Variants in SLC22A2 observed in about 807,000 individuals in gnomAD.
The protein encoded by SLC22A2 is solute carrier family 22 member 2.
A neutral mutation model predicts 60.5 loss-of-function variants in SLC22A2; 46 were observed. The ratio of observed to expected loss-of-function variants is 0.76; its 90% CI spans 0.60 to 0.97. The LOEUF (loss-of-function observed/expected upper bound fraction) is 0.97, where lower values mean the gene tolerates loss of function less well. SLC22A2 is among the 50% of genes least tolerant of loss of function. The pLI is 0.00. For missense variants in SLC22A2, 701 were observed against 706.6 expected (o/e 0.99, Z 0.09); for synonymous variants, 303 against 267.0 (o/e 1.13, Z -1.31).
At position 160,245,386 on chromosome 6, in the gene SLC22A2, T is replaced by C. The variant is rs111596459; in HGVS notation, c.1064+53A>G. On this transcript the variant is annotated intron_variant, in intron 6 of 10. Coordinates refer to ENST00000366953, the MANE Select transcript of SLC22A2 (RefSeq NM_003058.4). ...GTTTTCTTCCCTTCCTTACTATGGA[T>C]GACTGTGATTAAAACAATTTGGAGG... 6.0e-6 allele frequency: 6 copies of C among 1,006,968 alleles called. No individual in the cohort carries two copies. The African/African-American group carries it at 9.6e-5, about 16-fold the overall frequency. 62.4% of individuals were successfully genotyped at this position (1,006,968 alleles called of 1,614,324 possible).
intron 10 of SLC22A2, among the ~76,000 whole-genome samples, chr6:160,223,918 G>T (rs1782683181): frequency 6.6e-6 from 1 of 152,036 alleles, no homozygotes. Flanking sequence ...TTTTAGTAGA[G>T]ACGGGGTTTC....
chr6:160,220,200 T>G (rs937066926), intron 10 of SLC22A2, among the ~76,000 whole-genome samples: 1 of 152,208 alleles, frequency 6.6e-6, no homozygotes, highest in East Asian at 1.9e-4. Context: ...AATCCTTTGT[T>G]GTCATTTCAA....
At chr6:160,228,513 C>T (rs1782764456) in intron 9 of SLC22A2, among the ~76,000 whole-genome samples, 1 of 152,126 alleles carries the variant, frequency 6.6e-6, no homozygotes, top group African/African-American at 2.4e-5. Flanking sequence ...TCAGTAAAGT[C>T]CCCCTCAGCT....
At chr6:160,235,534 T>C (rs575682862) in intron 9 of SLC22A2, among the ~76,000 whole-genome samples, 2 of 6,688 alleles carry the variant, frequency 3.0e-4, no homozygotes, top group Non-Finnish European at 8.4e-4. Context: ...TTAAATAAGA[T>C]AAAGCTGAAG....
chr6:160,230,847 C>G (rs1044760480), intron 9 of SLC22A2, among the ~76,000 whole-genome samples: 1 of 151,928 alleles, frequency 6.6e-6, no homozygotes, highest in Non-Finnish European at 1.5e-5. Flanking sequence ...CTGTGCAGGA[C>G]CCCACTGGAA....
Position 160,258,326 on chromosome 6 carries a change from C to G in SLC22A2, c.414+18G>C, listed in dbSNP as rs761262798. Reference sequence around the variant, plus strand: ...CACCATTTGCTTCTCCATCTGAGCCCTGAGCTCACTCTCTTACCTCGGTGA... The same window carrying G: ...CACCATTTGCTTCTCCATCTGAGCCGTGAGCTCACTCTCTTACCTCGGTGA... On this transcript the variant is annotated intron_variant, in intron 1 of 10. Transcript: ENST00000366953. 9 of 1,584,872 alleles carry G rather than the reference C, an allele frequency of 5.7e-6. No individual in the cohort carries two copies. The highest frequency in any genetic ancestry group is 1.7e-4 in the Middle Eastern group (1 of 5,928).
Position 160,247,258 on chromosome 6 carries a change from T to C in SLC22A2, c.883A>G (p.Lys295Glu), listed in dbSNP as rs774123403. The C allele has an allele frequency of 6.2e-7, 1 of 1,613,746 alleles. No homozygotes were observed. The highest frequency in any genetic ancestry group is 8.5e-7 in the Non-Finnish European group (1 of 1,179,632). The part of the protein sequence containing the change: ...ESPRWLISQN[K>E]NAEAMRIIKH... ...ATGATTCTCATGGCTTCAGCATTCT[T>C]ATTCTGGGAGATCAGCCACCTGGGA... Residue 295 changes from lysine (K) to glutamate (E), a missense_variant, in exon 5 of 11, where the codon AAG becomes GAG. Coordinates refer to ENST00000366953, the MANE Select transcript of SLC22A2 (RefSeq NM_003058.4).
chr6:160,252,441 A>C lies in SLC22A2; in HGVS notation c.519-1739T>G, dbSNP rs116859053. On this transcript the variant is annotated intron_variant, in intron 2 of 10. Coordinates refer to ENST00000366953, the MANE Select transcript of SLC22A2 (RefSeq NM_003058.4). Reference sequence around the variant, plus strand: ...AAAAACTTCACTGGAGACATGTTCCACATAGGGAAGCAATGCTACTTAAAA... The same window carrying C: ...AAAAACTTCACTGGAGACATGTTCCCCATAGGGAAGCAATGCTACTTAAAA... Among the ~76,000 whole-genome samples, 991 of 152,364 alleles carry C rather than the reference A, an allele frequency of 6.5e-3. 9 individuals are homozygous for C. Among genetic ancestry groups the C allele is most frequent in the Middle Eastern group, 0.024 (7 of 294 alleles).
Position 160,217,278 on chromosome 6 carries a change from G to A in SLC22A2, c.*154C>T, listed in dbSNP as rs138754068. The A allele has an allele frequency of 4.3e-4, 233 of 545,096 alleles. No homozygotes were observed. Among genetic ancestry groups the A allele is most frequent in the Non-Finnish European group, 6.4e-4 (198 of 309,632 alleles). 33.8% of individuals were successfully genotyped at this position (545,096 alleles called of 1,614,324 possible). On this transcript the variant is annotated 3_prime_UTR_variant, in exon 11 of 11. Coordinates refer to ENST00000366953, the MANE Select transcript of SLC22A2 (RefSeq NM_003058.4). Reference sequence around the variant, plus strand: ...GGTCCCATGGGTATTTTTCCACAGTGTACAATAGACTCCACTGGCTGTAGA... The same window carrying A: ...GGTCCCATGGGTATTTTTCCACAGTATACAATAGACTCCACTGGCTGTAGA...
At chr6:160,248,917 C>A (rs1783138766) in intron 4 of SLC22A2, among the ~76,000 whole-genome samples, 2 of 152,172 alleles carry the variant, frequency 1.3e-5, no homozygotes, top group African/African-American at 4.8e-5. Flanking sequence ...AAAGGGTCTA[C>A]CGTCCAAATT....
intron 9 of SLC22A2, among the ~76,000 whole-genome samples, chr6:160,233,092 C>T (rs1782851227): frequency 7.4e-6 from 1 of 135,018 alleles, no homozygotes; most frequent in Non-Finnish European, 1.6e-5. Flanking sequence ...ATTTCTCAGG[C>T]CCCCTCCCTT....
chr6:160,221,398 A>G (rs753693608), intron 10 of SLC22A2, among the ~76,000 whole-genome samples: 19 of 152,244 alleles, frequency 1.2e-4, no homozygotes, highest in Non-Finnish European at 2.5e-4. Context: ...TCTTCTATCC[A>G]GACCACTCAA....
chr6:160,250,483 C>G lies in SLC22A2; in HGVS notation c.673+65G>C, dbSNP rs184715532. ...GTCCCTTTTCTTGCATGCCGCCCCC[C>G]ACCTGACTCTATTTTGGCAGCGAGG... On this transcript the variant is annotated intron_variant, in intron 3 of 10. Transcript: ENST00000366953. The G allele has an allele frequency of 3.3e-3, 5,040 of 1,525,024 alleles. 13 individuals carry two copies. The highest frequency in any genetic ancestry group is 4.0e-3 in the Non-Finnish European group (4,443 of 1,098,994). 94.5% of individuals were successfully genotyped at this position (1,525,024 alleles called of 1,614,324 possible).
chr6:160,252,609 T>C (rs1257347801), intron 2 of SLC22A2, among the ~76,000 whole-genome samples: 1 of 152,194 alleles, frequency 6.6e-6, no homozygotes, highest in Admixed American at 6.5e-5. Flanking sequence ...CTCCCCATAC[T>C]GCTGGCTTGG....
chr6:160,241,835 GA>G (rs1023500562), intron 8 of SLC22A2, among the ~76,000 whole-genome samples: 3 of 150,774 alleles, frequency 2.0e-5, no homozygotes, highest in African/African-American at 7.3e-5. Flanking sequence ...AAATGTTCAA[GA>G]GTTTAAAAAA....
Position 160,235,053 on chromosome 6 carries a change from G to A in SLC22A2, c.1501+6421C>T, listed in dbSNP as rs906440491. Among the ~76,000 whole-genome samples, 4 of 152,140 alleles carry A rather than the reference G, an allele frequency of 2.6e-5. No individual in the cohort carries two copies. The East Asian group carries it at 7.7e-4, about 29-fold the overall frequency. On this transcript the variant is annotated intron_variant, in intron 9 of 10. Coordinates refer to ENST00000366953, the MANE Select transcript of SLC22A2 (RefSeq NM_003058.4). ...TATGGTTAAAAGTCAGTTTGTTCAAGCTCTAACAGCCTGGAACTCCTTGGG... is the reference window on the plus strand; with the variant it reads ...TATGGTTAAAAGTCAGTTTGTTCAAACTCTAACAGCCTGGAACTCCTTGGG...
intron 5 of SLC22A2, 131 bp from the exon 6 acceptor site, chr6:160,245,676 C>T: frequency 2.3e-6 from 1 of 427,374 alleles, no homozygotes; most frequent in South Asian, 5.9e-5. Flanking sequence ...AAGCACTTTC[C>T]ATACTGTGTC....
At chr6:160,239,159 A>C (rs1782959106) in intron 9 of SLC22A2, among the ~76,000 whole-genome samples, 1 of 152,172 alleles carries the variant, frequency 6.6e-6, no homozygotes, top group Non-Finnish European at 1.5e-5. Flanking sequence ...TAGCATGTTA[A>C]AAGACACTCC....
intron 9 of SLC22A2, among the ~76,000 whole-genome samples, chr6:160,237,691 C>A (rs531978090): frequency 6.6e-6 from 1 of 152,270 alleles, no homozygotes; most frequent in Non-Finnish European, 1.5e-5. Flanking sequence ...ACCAGAGAAA[C>A]TTTATCTTGA....
Sources: gnomAD v4.1 joint callset for allele counts (sites outside exome capture counted in the v4.1 genomes callset) on GRCh38, gnomAD v4.1.1 for gene constraint, MANE v1.5 for transcripts, NCBI Gene and HGNC (gene_info 2026-07-23, HGNC 2026-07-21) for gene names.